ADAMTS19: variants seen among roughly 807,000 people sequenced by gnomAD.
ADAMTS19 encodes ADAM metallopeptidase with thrombospondin type 1 motif 19, also known as A disintegrin and metalloproteinase with thrombospondin motifs 19.
Under a neutral mutation model 153.3 loss-of-function variants are expected in ADAMTS19, and 93 were observed. The observed-to-expected ratio is 0.61, with a 90% CI of 0.51 to 0.72. The LOEUF (loss-of-function observed/expected upper bound fraction) is 0.72. ADAMTS19 is among the 30% of genes least tolerant of loss of function. ADAMTS19 has a pLI of 0.00. For synonymous variants in ADAMTS19, 600 were observed against 556.6 expected (o/e 1.08, Z -1.10); for missense variants, 1,482 against 1,552.1 (o/e 0.95, Z 0.76).
chr5:129,612,105 T>A (rs1477120352), intron 8 of ADAMTS19, among the ~76,000 whole-genome samples: 1 of 148,644 alleles, frequency 6.7e-6, no homozygotes, highest in Non-Finnish European at 1.5e-5. Flanking sequence ...GTATATGTCC[T>A]AATGCTATCC....
At chr5:129,736,890 T>G (rs1047471410) in intron 22 of ADAMTS19, among the ~76,000 whole-genome samples, 177 bp from the exon 23 acceptor site, 2 of 152,134 alleles carry the variant, frequency 1.3e-5, no homozygotes, top group African/African-American at 4.8e-5. Context: ...ATTCTTTACT[T>G]TTTAATCATA....
chr5:129,611,041 T>C (rs572645802), intron 8 of ADAMTS19, among the ~76,000 whole-genome samples: 69 of 152,318 alleles, frequency 4.5e-4, no homozygotes, highest in African/African-American at 1.7e-3. Flanking sequence ...TGATGGCCAG[T>C]GATGATGAGC....
At chr5:129,545,350 G>A (rs897479812) in intron 6 of ADAMTS19, among the ~76,000 whole-genome samples, 2 of 152,034 alleles carry the variant, frequency 1.3e-5, no homozygotes, top group Admixed American at 1.3e-4. Flanking sequence ...TAGATCTGAG[G>A]GATTCTCCCA....
intron 6 of ADAMTS19, among the ~76,000 whole-genome samples, chr5:129,537,067 T>TA (rs200529582): frequency 0.2 from 30,000 of 150,566 alleles, 3,752 homozygotes; most frequent in African/African-American, 0.35. Flanking sequence ...AATAATAATT[T>TA]AAAAAAAAGA....
intron 2 of ADAMTS19, among the ~76,000 whole-genome samples, chr5:129,476,434 A>G (rs1003826375): frequency 6.6e-6 from 1 of 151,920 alleles, no homozygotes; most frequent in African/African-American, 2.4e-5. Context: ...AGAAAGACCA[A>G]AGTTGTTAGG....
At chr5:129,588,992 TATTA>T (rs1749961696) in intron 7 of ADAMTS19, among the ~76,000 whole-genome samples, 1 of 152,060 alleles carries the variant, frequency 6.6e-6, no homozygotes, top group African/African-American at 2.4e-5. Context: ...TTTTGCTAGT[TATTA>T]ATTATAGTTC....
chr5:129,551,865 A>G lies in ADAMTS19; in HGVS notation c.1330A>G (p.Lys444Glu). The change falls in exon 7 of 23, where the codon AAA becomes GAA. Residue 444 changes from lysine (K) to glutamate (E), a missense_variant and splice_region_variant. Lys to Glu is a moderately conservative substitution (Grantham distance 56, BLOSUM62 1). Around this residue, in one of 2 missense-constraint regions of ADAMTS19, gnomAD observed 866 missense variants for 827.7 expected, o/e 1.05. Transcript: ENST00000274487. ...SVDAAILITR[K>E]DFCVHKDEPC... ...TCAGTTTTCTATTTTTCTTTCTAGG[A>G]AAGATTTCTGTGTGCACAAAGATGA... 1 of 1,572,124 alleles carries G rather than the reference A, an allele frequency of 6.4e-7. No homozygotes were observed. The highest frequency in any genetic ancestry group is 8.6e-7 in the Non-Finnish European group (1 of 1,159,774).
At chr5:129,628,737 C>T (rs1007752992) in intron 10 of ADAMTS19, among the ~76,000 whole-genome samples, 2 of 152,058 alleles carry the variant, frequency 1.3e-5, no homozygotes, top group African/African-American at 2.4e-5. Context: ...CGTATTTTTA[C>T]TGTAACATTT....
chr5:129,655,301 C>T (rs999026170), intron 14 of ADAMTS19, among the ~76,000 whole-genome samples: 3 of 152,134 alleles, frequency 2.0e-5, no homozygotes, highest in Non-Finnish European at 4.4e-5. Flanking sequence ...TTACTCTCAA[C>T]ATCTACTATT....
chr5:129,549,993 T>TCTA (rs1753021336), intron 6 of ADAMTS19, among the ~76,000 whole-genome samples: 5 of 118,832 alleles, frequency 4.2e-5, no homozygotes, highest in African/African-American at 1.5e-4. Flanking sequence ...TATCTGTATA[T>TCTA]GTATCTAGAT....
intron 8 of ADAMTS19, among the ~76,000 whole-genome samples, chr5:129,611,528 C>A (rs181416678): frequency 4.6e-5 from 7 of 152,210 alleles, no homozygotes; most frequent in African/African-American, 1.7e-4. Context: ...TTTCCCAGCA[C>A]CATTTATTAA....
At chr5:129,705,439 T>C (rs941465473) in intron 21 of ADAMTS19, among the ~76,000 whole-genome samples, 26 of 152,206 alleles carry the variant, frequency 1.7e-4, no homozygotes, top group Admixed American at 2.6e-4. Flanking sequence ...TTTCTCATGA[T>C]TATGTATGCC....
chr5:129,522,822 A>G lies in ADAMTS19; in HGVS notation c.914-3462A>G, dbSNP rs149182377. 4.9e-3 allele frequency among the ~76,000 whole-genome samples: 744 copies of G among 152,148 alleles called. 4 individuals carry two copies. Among genetic ancestry groups the G allele is most frequent in the Non-Finnish European group, 6.7e-3 (459 of 68,008 alleles). On this transcript the variant is annotated intron_variant, in intron 3 of 22. Transcript: ENST00000274487. ...TGTTATCCTAGCACTTTGGGAGGCC[A>G]AGGCAGGCAGATCATCTGAGGTCAG... is the stretch of plus-strand genomic sequence containing the variant.
chr5:129,495,364 C>T (rs974134709), intron 2 of ADAMTS19, among the ~76,000 whole-genome samples: 15 of 152,102 alleles, frequency 9.9e-5, no homozygotes, highest in African/African-American at 3.4e-4. Flanking sequence ...AGCATTCATA[C>T]GCTACAGAAC....
rs10035447 is a variant in ADAMTS19, at chr5:129,620,475, T to C, written c.1479-143T>C. On this transcript the variant is annotated intron_variant, in intron 8 of 22. Coordinates refer to ENST00000274487, the MANE Select transcript of ADAMTS19 (RefSeq NM_133638.6). The stretch of plus-strand genomic sequence containing the variant: ...AGTTAACTTAATCTGAAATCTAATT[T>C]TATTTTGAAACTAATTTCCTTAAAA... The C allele has an allele frequency of 6.9e-3, 3,450 of 496,626 alleles. 90 individuals are homozygous for C. The highest frequency in any genetic ancestry group is 0.06 in the African/African-American group (3,016 of 50,202). 30.8% of individuals were successfully genotyped at this position (496,626 alleles called of 1,614,324 possible).
At chr5:129,555,733 T>A (rs1175059830) in intron 7 of ADAMTS19, among the ~76,000 whole-genome samples, 1 of 152,204 alleles carries the variant, frequency 6.6e-6, no homozygotes, top group African/African-American at 2.4e-5. Flanking sequence ...TAGTAAATGA[T>A]AGTGCTAGAC....
intron 2 of ADAMTS19, among the ~76,000 whole-genome samples, chr5:129,505,761 T>G (rs1751248830): frequency 6.6e-6 from 1 of 152,052 alleles, no homozygotes; most frequent in African/African-American, 2.4e-5. Flanking sequence ...AGAACAGATG[T>G]CATCATATAA....
At chr5:129,730,809 TG>T (rs1341434496) in intron 21 of ADAMTS19, among the ~76,000 whole-genome samples, 2 of 152,156 alleles carry the variant, frequency 1.3e-5, no homozygotes, top group African/African-American at 4.8e-5. Context: ...CATTCTGAAG[TG>T]TACACTCAAC....
intron 21 of ADAMTS19, among the ~76,000 whole-genome samples, chr5:129,704,652 C>A (rs1160043366): frequency 6.6e-6 from 1 of 152,086 alleles, no homozygotes; most frequent in Non-Finnish European, 1.5e-5. Flanking sequence ...GTCATTATTG[C>A]TTTTTTGTTA....
Sources: allele counts gnomAD v4.1 joint callset (sites outside exome capture counted in the v4.1 genomes callset), GRCh38; gene constraint gnomAD v4.1.1; regional missense constraint gnomAD v4.1.1; transcripts MANE v1.5; gene names NCBI Gene and HGNC (gene_info 2026-07-23, HGNC 2026-07-21).